FNDC3B: variants seen among roughly 807,000 people sequenced by gnomAD.
FNDC3B encodes fibronectin type III domain-containing protein 3B.
In FNDC3B, 12 loss-of-function variants were observed where a neutral mutation model predicts 151.5. That is an observed-to-expected ratio of 0.08 (90% CI 0.05 to 0.13). The LOEUF (loss-of-function observed/expected upper bound fraction) is 0.13. Among genes scored for constraint, FNDC3B ranks in the 10% least tolerant of loss-of-function variants. FNDC3B has a pLI of 1.00. For synonymous variants in FNDC3B, 528 were observed against 549.0 expected, an observed-to-expected ratio of 0.96 and a Z score of 0.54; for missense variants, 1,214 against 1,505.3, an observed-to-expected ratio of 0.81 and a Z score of 3.20.
chr3:172,139,082 C>T (rs764429697), intron 3 of FNDC3B, among the ~76,000 whole-genome samples: 6 of 152,150 alleles, frequency 3.9e-5, no homozygotes, highest in East Asian at 1.9e-4. Context: ...TCCCATCCCC[C>T]GCCCCTCCAT....
chr3:172,231,963 C>A (rs1190248182), intron 4 of FNDC3B, among the ~76,000 whole-genome samples: 1 of 146,946 alleles, frequency 6.8e-6, no homozygotes, highest in African/African-American at 2.5e-5. Flanking sequence ...TCACTGCAAC[C>A]TCTGCCTCCT....
intron 24 of FNDC3B, among the ~76,000 whole-genome samples, chr3:172,379,392 A>C (rs1735317453): frequency 6.6e-6 from 1 of 152,232 alleles, no homozygotes. Context: ...CTCTACTCCC[A>C]CATGAAGGAG....
chr3:172,260,276 G>C (rs1293642065), intron 6 of FNDC3B, among the ~76,000 whole-genome samples: 1 of 152,208 alleles, frequency 6.6e-6, no homozygotes, highest in African/African-American at 2.4e-5. Flanking sequence ...AACTGGGTTA[G>C]AGATCGTCAT....
chr3:172,073,492 T>C (rs555714724), intron 1 of FNDC3B, among the ~76,000 whole-genome samples: 1 of 152,348 alleles, frequency 6.6e-6, no homozygotes, highest in African/African-American at 2.4e-5. Flanking sequence ...GCTGTGGACT[T>C]TGACTTTCTT....
intron 3 of FNDC3B, among the ~76,000 whole-genome samples, chr3:172,218,527 T>C (rs532232465): frequency 6.9e-4 from 105 of 152,322 alleles, no homozygotes; most frequent in African/African-American, 2.4e-3. Flanking sequence ...GATAACACTG[T>C]GTGAACCTCT....
intron 3 of FNDC3B, among the ~76,000 whole-genome samples, chr3:172,154,288 G>A (rs6795329): frequency 0.4 from 60,720 of 151,778 alleles, 14,070 homozygotes; most frequent in Non-Finnish European, 0.53. Context: ...CAATCTTGGT[G>A]CACTGCAACC....
intron 1 of FNDC3B, among the ~76,000 whole-genome samples, chr3:172,109,304 T>C (rs997929040): frequency 6.6e-6 from 1 of 151,964 alleles, no homozygotes; most frequent in Non-Finnish European, 1.5e-5. Flanking sequence ...TAGCTGGGAC[T>C]ACAGGCGCCC....
At position 172,171,024 on chromosome 3, in the gene FNDC3B, T is replaced by C. The variant is rs74935269; in HGVS notation, c.187+37478T>C. 2.4e-3 allele frequency among the ~76,000 whole-genome samples: 366 copies of C among 152,334 alleles called. 2 individuals are homozygous for C. Among genetic ancestry groups the C allele is most frequent in the African/African-American group, 8.6e-3 (357 of 41,574 alleles). Reference sequence around the variant, plus strand: ...CTTTGCCAGGGGCTGCATGAAGATATGTGGCTGAGACCTATATACAAAGGC... The same window carrying C: ...CTTTGCCAGGGGCTGCATGAAGATACGTGGCTGAGACCTATATACAAAGGC... On this transcript the variant is annotated intron_variant, in intron 3 of 25. Transcript: ENST00000415807.
At position 172,078,638 on chromosome 3, in the gene FNDC3B, C is replaced by T. The variant is rs188387957; in HGVS notation, c.-28-33814C>T. On this transcript the variant is annotated intron_variant, in intron 1 of 25. Coordinates refer to ENST00000415807, the MANE Select transcript of FNDC3B (RefSeq NM_022763.4). ...TCTTTGAAATGAGCAGTAGGCTGAT[C>T]GGGGGTAGATATTCAAATATACTGA... Among the ~76,000 whole-genome samples, 184 of 152,242 alleles carry T rather than the reference C, an allele frequency of 1.2e-3. 1 individual carries two copies. The highest frequency in any genetic ancestry group is 0.01 in the Admixed American group (155 of 15,294).
At position 172,378,416 on chromosome 3, in the gene FNDC3B, G is replaced by A. The variant is rs779511731; in HGVS notation, c.3155G>A (p.Ser1052Asn). The A allele has an allele frequency of 3.0e-5, 48 of 1,612,236 alleles. No individual in the cohort carries two copies. The highest frequency in any genetic ancestry group is 4.1e-5 in the Non-Finnish European group (48 of 1,179,388). ...SETYTFSTTKSVPPTIKAPRV... is the reference protein window; with the variant it reads ...SETYTFSTTKNVPPTIKAPRV... ...ACCTATACCTTCAGCACAACCAAAA[G>A]TGTCCCCCCCACCATCAAAGGTGTG... Residue 1052 changes from serine to asparagine, a missense_variant, in exon 24 of 26, where the codon AGT (serine) becomes AAT (asparagine). Transcript: ENST00000415807.
chr3:172,353,172 C>T lies in FNDC3B; in HGVS notation c.2795+89C>T, dbSNP rs1733940391. On this transcript the variant is annotated intron_variant, in intron 22 of 25. Transcript: ENST00000415807. ...TCGGGGAAAATGACCAAGTGGATGT[C>T]ATCTCCCAGCTGTTTCTAAGAGCCC... 3 of 1,243,624 alleles carry T rather than the reference C, an allele frequency of 2.4e-6. No homozygotes were observed. The Admixed American group carries it at 6.1e-5, about 25-fold the overall frequency. The allele number at this position is 1,243,624 out of a possible 1,614,324, so 77.0% of individuals were successfully genotyped here.
At chr3:172,315,901 C>T (rs1448657290) in intron 11 of FNDC3B, among the ~76,000 whole-genome samples, 25 of 151,970 alleles carry the variant, frequency 1.6e-4, no homozygotes, top group Admixed American at 1.6e-3. Context: ...ACCCGTTGGC[C>T]GCACCCACAC....
At chr3:172,378,822 T>G (rs1007516932) in intron 24 of FNDC3B, among the ~76,000 whole-genome samples, 2 of 152,168 alleles carry the variant, frequency 1.3e-5, no homozygotes, top group African/African-American at 4.8e-5. Context: ...TTAGGCAACT[T>G]CAGCAGCCTT....
chr3:172,263,586 GT>G (rs35762662), intron 6 of FNDC3B, among the ~76,000 whole-genome samples: 2,824 of 101,882 alleles, frequency 0.028, 21 homozygotes, highest in East Asian at 0.041. Context: ...GCTATCAAGT[GT>G]TTTTTTTTTT....
rs573849509 is a variant in FNDC3B, at chr3:172,166,522, C to T, written c.187+32976C>T. ...CCAGCCTTGCTGGAATCTAGATCCACGAGAATCCTGTGTTCATTTTTCTCT... is the reference window on the plus strand; with the variant it reads ...CCAGCCTTGCTGGAATCTAGATCCATGAGAATCCTGTGTTCATTTTTCTCT... On this transcript the variant is annotated intron_variant, in intron 3 of 25. Transcript: ENST00000415807. Among the ~76,000 whole-genome samples the T allele has an allele frequency of 6.6e-5, 10 of 152,254 alleles. No homozygotes were observed. In the South Asian group the frequency reaches 1.0e-3, roughly 16 times the overall value.
intron 1 of FNDC3B, among the ~76,000 whole-genome samples, chr3:172,085,016 A>G (rs1441012822): frequency 6.6e-6 from 1 of 152,144 alleles, no homozygotes; most frequent in Non-Finnish European, 1.5e-5. Flanking sequence ...CCAGCTCCAT[A>G]GTAAATTTGG....
intron 8 of FNDC3B, among the ~76,000 whole-genome samples, chr3:172,297,636 G>A (rs553056067): frequency 1.2e-4 from 18 of 152,148 alleles, no homozygotes; most frequent in Admixed American, 6.5e-5. Flanking sequence ...CACCACGCCC[G>A]GCTAATTTTT....
At chr3:172,393,683 A>G (rs1219155469) in intron 25 of FNDC3B, among the ~76,000 whole-genome samples, 1 of 152,236 alleles carries the variant, frequency 6.6e-6, no homozygotes, top group Non-Finnish European at 1.5e-5. Flanking sequence ...AATCAATGCC[A>G]GAAGGAATTT....
intron 1 of FNDC3B, among the ~76,000 whole-genome samples, chr3:172,074,980 T>C (rs1717940759): frequency 1.3e-5 from 2 of 152,232 alleles, no homozygotes; most frequent in African/African-American, 4.8e-5. Flanking sequence ...CAATCACAAC[T>C]ATTTGAACTT....
Sources: allele counts gnomAD v4.1 joint callset (sites outside exome capture counted in the v4.1 genomes callset), GRCh38; gene constraint gnomAD v4.1.1; transcripts MANE v1.5; gene names NCBI Gene and HGNC (gene_info 2026-07-23, HGNC 2026-07-21).